HPSE2: variants seen among roughly 807,000 people sequenced by gnomAD.
The protein encoded by HPSE2 is heparanase 2 (inactive), also known as inactive heparanase-2.
A neutral mutation model predicts 60.5 loss-of-function variants in HPSE2; 38 were observed. That is an observed-to-expected ratio of 0.63 (90% CI 0.48 to 0.82). The LOEUF is 0.82. Ranked by LOEUF, HPSE2 falls within the 40% of genes least tolerant of loss-of-function variation. The pLI, the probability that HPSE2 is intolerant of heterozygous loss-of-function variation, is 0.00. For synonymous variants in HPSE2, 295 were observed against 293.2 expected, an observed-to-expected ratio of 1.01 and a Z score of -0.06; for missense variants, 713 against 740.4, an observed-to-expected ratio of 0.96 and a Z score of 0.43.
chr10:98,500,902 A>G (rs1942008021), intron 9 of HPSE2, among the ~76,000 whole-genome samples: 1 of 152,156 alleles, frequency 6.6e-6, no homozygotes, highest in South Asian at 2.1e-4. Flanking sequence ...GAGATCACTC[A>G]AGGCTACTTG....
At chr10:99,019,666 A>ACACCTCT (rs1957218204) in intron 3 of HPSE2, among the ~76,000 whole-genome samples, 1 of 151,856 alleles carries the variant, frequency 6.6e-6, no homozygotes, top group East Asian at 1.9e-4. Context: ...CCTCTCAAAT[A>ACACCTCT]CAACGGCAGG....
chr10:98,545,654 T>C (rs1331627777), intron 9 of HPSE2, among the ~76,000 whole-genome samples: 1 of 152,142 alleles, frequency 6.6e-6, no homozygotes, highest in African/African-American at 2.4e-5. Flanking sequence ...GGGACGTATC[T>C]CAAAAAATAA....
intron 9 of HPSE2, among the ~76,000 whole-genome samples, chr10:98,542,885 C>A (rs1246056538): frequency 1.3e-5 from 2 of 152,110 alleles, no homozygotes; most frequent in Non-Finnish European, 2.9e-5. Context: ...GAGAATGGAA[C>A]CAAGTTGGAA....
intron 3 of HPSE2, among the ~76,000 whole-genome samples, chr10:98,847,851 C>T (rs1268116453): frequency 6.6e-6 from 1 of 152,142 alleles, no homozygotes; most frequent in African/African-American, 2.4e-5. Flanking sequence ...ACTGTGTGGT[C>T]CCTTTACTAT....
chr10:99,275,773 C>A, the HPSE2 span, among the ~76,000 whole-genome samples: 5 of 152,176 alleles, frequency 3.3e-5, no homozygotes, highest in African/African-American at 1.2e-4. Context: ...AGTGTTTCCC[C>A]TAAGGCAGGC....
At chr10:99,240,375 T>C (rs1456237931), upstream of HPSE2, among the ~76,000 whole-genome samples, 5 of 151,800 alleles carry the variant, frequency 3.3e-5, no homozygotes, top group Non-Finnish European at 7.4e-5. Context: ...TTGCAAGATG[T>C]ACAGCTAATG....
At chr10:98,517,723 T>C (rs1374604495) in intron 9 of HPSE2, among the ~76,000 whole-genome samples, 2 of 152,190 alleles carry the variant, frequency 1.3e-5, no homozygotes, top group Non-Finnish European at 2.9e-5. Context: ...CCCTAGTAGA[T>C]AGAAAAGCAT....
chr10:98,597,920 G>A (rs1396188425), intron 9 of HPSE2, among the ~76,000 whole-genome samples: 6 of 132,582 alleles, frequency 4.5e-5, no homozygotes, highest in African/African-American at 1.8e-4. Context: ...GCAGTGAGCC[G>A]AGATCATGCC....
chr10:98,493,454 A>T (rs112385333), intron 9 of HPSE2, among the ~76,000 whole-genome samples: 32 of 152,164 alleles, frequency 2.1e-4, no homozygotes, highest in African/African-American at 7.0e-4. Flanking sequence ...GGCAACTTTC[A>T]CTTCATATTT....
At chr10:98,950,116 T>C (rs892274702) in intron 3 of HPSE2, among the ~76,000 whole-genome samples, 11 of 152,218 alleles carry the variant, frequency 7.2e-5, no homozygotes, top group African/African-American at 2.6e-4. Context: ...AGCTTCTCCA[T>C]AGAGCATGAT....
At chr10:98,597,658 G>A (rs1189405414) in intron 9 of HPSE2, among the ~76,000 whole-genome samples, 11 of 145,636 alleles carry the variant, frequency 7.6e-5, no homozygotes, top group African/African-American at 1.5e-4. Flanking sequence ...GCAACAGAGC[G>A]AGACTCTGTC....
chr10:98,890,567 T>C (rs1368809926), intron 3 of HPSE2, among the ~76,000 whole-genome samples: 1 of 152,208 alleles, frequency 6.6e-6, no homozygotes, highest in Non-Finnish European at 1.5e-5. Flanking sequence ...ATAATGTTTC[T>C]CCTTTAATTT....
intron 3 of HPSE2, among the ~76,000 whole-genome samples, chr10:98,785,639 C>T (rs1053512472): frequency 1.4e-5 from 2 of 147,976 alleles, no homozygotes; most frequent in African/African-American, 2.5e-5. Flanking sequence ...TTGGTCTATT[C>T]AGAGAGTCAA....
At chr10:99,168,087 TACACACACACACACACACACAC>T (rs56393224) in intron 2 of HPSE2, among the ~76,000 whole-genome samples, 1 of 144,728 alleles carries the variant, frequency 6.9e-6, no homozygotes, top group African/African-American at 2.6e-5. Context: ...TCAGCCTATT[TACACACACACACACACACACAC>T]ACACACACAC....
rs1317220807 is a variant in HPSE2, at chr10:98,459,745, G to C, written c.1614-6C>G. On this transcript the variant is annotated splice_region_variant and splice_polypyrimidine_tract_variant and intron_variant, in intron 11 of 11. Transcript: ENST00000370552. ...GGCCATTCAGTTGCACTGACCTACA[G>C]TGAGGAAAAACAGTATGGGACTCAT... is the stretch of plus-strand genomic sequence containing the variant. 6.2e-7 allele frequency: 1 copy of C among 1,612,190 alleles called. No homozygotes were observed. The highest frequency in any genetic ancestry group is 1.3e-5 in the African/African-American group (1 of 75,036).
chr10:98,820,843 T>C (rs967644837), intron 3 of HPSE2, among the ~76,000 whole-genome samples: 1 of 152,190 alleles, frequency 6.6e-6, no homozygotes, highest in African/African-American at 2.4e-5. Context: ...ACTCTCACTG[T>C]CTATGTTCTT....
At chr10:99,191,991 T>C (rs971941634) in intron 2 of HPSE2, among the ~76,000 whole-genome samples, 2 of 152,130 alleles carry the variant, frequency 1.3e-5, no homozygotes, top group African/African-American at 4.8e-5. Flanking sequence ...ATCCTTTAAT[T>C]ATAGAATTAA....
chr10:98,792,723 G>A (rs1307275687), intron 3 of HPSE2, among the ~76,000 whole-genome samples: 1 of 151,168 alleles, frequency 6.6e-6, no homozygotes, highest in Admixed American at 6.6e-5. Context: ...CCAACCAATT[G>A]TACAAAGGAG....
At chr10:98,628,184 A>G (rs1946267543) in intron 7 of HPSE2, among the ~76,000 whole-genome samples, 1 of 152,196 alleles carries the variant, frequency 6.6e-6, no homozygotes, top group South Asian at 2.1e-4. Flanking sequence ...TGGGAGGCTT[A>G]TGAACTCTGT....
Sources: gnomAD v4.1 joint callset for allele counts (sites outside exome capture counted in the v4.1 genomes callset) on GRCh38, gnomAD v4.1.1 for gene constraint, MANE v1.5 for transcripts, NCBI Gene and HGNC (gene_info 2026-07-23, HGNC 2026-07-21) for gene names.